LSAMP: variants seen among roughly 807,000 people sequenced by gnomAD.
LSAMP encodes the protein limbic system associated membrane protein, also known as limbic system-associated membrane protein.
Under a neutral mutation model 38.6 loss-of-function variants are expected in LSAMP, and 7 were observed. The ratio of observed to expected loss-of-function variants is 0.18; its 90% CI spans 0.10 to 0.34. The LOEUF (loss-of-function observed/expected upper bound fraction) is 0.34, where lower values mean the gene tolerates loss of function less well. LSAMP is among the 10% of genes least tolerant of loss of function. LSAMP has a pLI of 1.00. For missense variants in LSAMP, 313 were observed against 420.0 expected (o/e 0.75, Z 2.23); for synonymous variants, 154 against 166.8 (o/e 0.92, Z 0.59).
intron 1 of LSAMP, among the ~76,000 whole-genome samples, chr3:116,152,707 A>C (rs545322008): frequency 4.4e-4 from 67 of 152,192 alleles, no homozygotes; most frequent in African/African-American, 1.6e-3. Context: ...ATTGAAATGA[A>C]AGAAGATCAT....
At chr3:116,006,491 G>A (rs1940165234) in intron 3 of LSAMP, among the ~76,000 whole-genome samples, 1 of 151,964 alleles carries the variant, frequency 6.6e-6, no homozygotes, top group Non-Finnish European at 1.5e-5. Context: ...AAAATAAATG[G>A]GATTATTTAG....
chr3:116,308,134 A>G (rs1404497571), intron 1 of LSAMP, among the ~76,000 whole-genome samples: 1 of 151,878 alleles, frequency 6.6e-6, no homozygotes, highest in Non-Finnish European at 1.5e-5. Context: ...TCCCCCTACC[A>G]TCTTTTAAAA....
intron 1 of LSAMP, among the ~76,000 whole-genome samples, chr3:116,153,662 A>G (rs890848895): frequency 5.3e-5 from 8 of 152,110 alleles, no homozygotes; most frequent in African/African-American, 1.7e-4. Context: ...TAGGGGCACG[A>G]AACACTTTAC....
At chr3:116,209,566 G>T (rs1387978410) in intron 1 of LSAMP, among the ~76,000 whole-genome samples, 1 of 152,110 alleles carries the variant, frequency 6.6e-6, no homozygotes, top group Non-Finnish European at 1.5e-5. Context: ...TGTACACTGT[G>T]GTTTCAGTAT....
intron 6 of LSAMP, among the ~76,000 whole-genome samples, chr3:115,830,614 G>C (rs1258685159): frequency 6.6e-6 from 1 of 152,160 alleles, no homozygotes; most frequent in African/African-American, 2.4e-5. Flanking sequence ...TATGTTAGCT[G>C]TTGTTATTAT....
chr3:115,983,399 T>C (rs952227868), intron 3 of LSAMP, among the ~76,000 whole-genome samples: 4 of 152,082 alleles, frequency 2.6e-5, no homozygotes, highest in African/African-American at 4.8e-5. Context: ...GGTGCACACC[T>C]GTAGTCCCAG....
At chr3:116,438,349 C>T (rs952371529) in intron 1 of LSAMP, among the ~76,000 whole-genome samples, 3 of 152,068 alleles carry the variant, frequency 2.0e-5, no homozygotes, top group Admixed American at 6.6e-5. Flanking sequence ...ATCATTTGAT[C>T]ATAAAAATAG....
chr3:116,099,724 ATTTTCT>A (rs751462632), intron 1 of LSAMP, among the ~76,000 whole-genome samples: 19 of 151,846 alleles, frequency 1.3e-4, no homozygotes, highest in Non-Finnish European at 2.4e-4. Flanking sequence ...CCCAGTTTTC[ATTTTCT>A]TGTTTCTCTT....
At chr3:115,863,676 A>G (rs1183078614) in intron 3 of LSAMP, among the ~76,000 whole-genome samples, 1 of 151,844 alleles carries the variant, frequency 6.6e-6, no homozygotes, top group South Asian at 2.1e-4. Context: ...CGGTTAGGGA[A>G]CTTCTCTTCA....
chr3:115,965,655 A>G (rs1387100909), intron 3 of LSAMP, among the ~76,000 whole-genome samples: 1 of 147,608 alleles, frequency 6.8e-6, no homozygotes, highest in African/African-American at 2.5e-5. Context: ...GTTATTTTCT[A>G]TATGAATACA....
chr3:116,036,669 G>A (rs1254461186), intron 2 of LSAMP, among the ~76,000 whole-genome samples: 1 of 151,836 alleles, frequency 6.6e-6, no homozygotes, highest in Admixed American at 6.6e-5. Flanking sequence ...AATGCATAGT[G>A]TCAAAGAAAG....
chr3:116,196,202 TTAC>T (rs1710879461), intron 1 of LSAMP, among the ~76,000 whole-genome samples: 1 of 152,312 alleles, frequency 6.6e-6, no homozygotes, highest in South Asian at 2.1e-4. Context: ...TTGACTAAGA[TTAC>T]TAGTAAGTAC....
intron 1 of LSAMP, among the ~76,000 whole-genome samples, chr3:116,206,543 T>C (rs1400711126): frequency 8.9e-6 from 1 of 112,072 alleles, no homozygotes; most frequent in Non-Finnish European, 2.0e-5. Context: ...CGGCATTTAG[T>C]GCTATAAATT....
At chr3:116,221,949 A>G (rs1355965790) in intron 1 of LSAMP, among the ~76,000 whole-genome samples, 1 of 151,790 alleles carries the variant, frequency 6.6e-6, no homozygotes, top group African/African-American at 2.4e-5. Context: ...TTTTGGCCAC[A>G]TGGGGATTTA....
At chr3:116,383,751 G>A (rs1409917469) in intron 1 of LSAMP, among the ~76,000 whole-genome samples, 8 of 152,118 alleles carry the variant, frequency 5.3e-5, no homozygotes, top group Non-Finnish European at 7.4e-5. Flanking sequence ...TAAAGTATGT[G>A]ACACACTGGC....
chr3:115,924,349 G>A (rs1457769370), intron 3 of LSAMP, among the ~76,000 whole-genome samples: 1 of 151,968 alleles, frequency 6.6e-6, no homozygotes, highest in African/African-American at 2.4e-5. Flanking sequence ...GTCTCTTCTG[G>A]TTCTTCTGTG....
Position 116,303,331 on chromosome 3 carries a change from A to T in LSAMP, c.155+141546T>A, listed in dbSNP as rs1447972769. 5.3e-5 allele frequency among the ~76,000 whole-genome samples: 8 copies of T among 152,350 alleles called. No individual in the cohort carries two copies. In the East Asian group the frequency reaches 1.5e-3, roughly 29 times the overall value. On this transcript the variant is annotated intron_variant, in intron 1 of 6. Coordinates refer to ENST00000490035, the MANE Select transcript of LSAMP (RefSeq NM_002338.5). ...ATTAAAGATGAACATCATTTTGCTT[A>T]CTTCGGATTGTAAACATTGAAGAAG...
chr3:116,153,556 G>A (rs959143786), intron 1 of LSAMP, among the ~76,000 whole-genome samples: 3 of 152,066 alleles, frequency 2.0e-5, no homozygotes, highest in Admixed American at 6.6e-5. Flanking sequence ...TCACAAATTC[G>A]TGGAAAACTA....
At chr3:116,160,559 G>A (rs1709865106) in intron 1 of LSAMP, among the ~76,000 whole-genome samples, 1 of 151,946 alleles carries the variant, frequency 6.6e-6, no homozygotes, top group East Asian at 1.9e-4. Context: ...ACTGCCTATT[G>A]GATACTATGC....
Sources: allele counts gnomAD v4.1 joint callset (sites outside exome capture counted in the v4.1 genomes callset), GRCh38; gene constraint gnomAD v4.1.1; transcripts MANE v1.5; gene names NCBI Gene and HGNC (gene_info 2026-07-23, HGNC 2026-07-21).